The following PTPN1 variants were observed in gnomAD, a reference collection of about 807,000 sequenced individuals.
The protein encoded by PTPN1 is tyrosine-protein phosphatase non-receptor type 1.
In PTPN1, 12 loss-of-function variants were observed where a neutral mutation model predicts 59.9. The ratio of observed to expected loss-of-function variants is 0.20; its 90% CI spans 0.13 to 0.32. The LOEUF is 0.32. Among genes scored for constraint, PTPN1 ranks in the 10% least tolerant of loss-of-function variants. The pLI, the probability that PTPN1 is intolerant of heterozygous loss-of-function variation, is 1.00. For synonymous variants in PTPN1, 178 were observed against 203.6 expected (o/e 0.87, Z 1.07); for missense variants, 356 against 549.2 (o/e 0.65, Z 3.52).
chr20:50,564,960 G>A lies in PTPN1; in HGVS notation c.155-9G>A. The A allele has an allele frequency of 6.2e-7, 1 of 1,613,312 alleles. No individual in the cohort carries two copies. Reference sequence around the variant, plus strand: ...GGGATTAACCTCTGAGTTCTGGTTTGTCTTTCAGTTGACCATAGTCGGATT... The same window carrying A: ...GGGATTAACCTCTGAGTTCTGGTTTATCTTTCAGTTGACCATAGTCGGATT... On this transcript the variant is annotated splice_polypyrimidine_tract_variant and intron_variant, in intron 2 of 9. Coordinates refer to ENST00000371621, the MANE Select transcript of PTPN1 (RefSeq NM_002827.4).
chr20:50,526,654 G>C (rs1180281790), intron 1 of PTPN1, among the ~76,000 whole-genome samples: 1 of 152,124 alleles, frequency 6.6e-6, no homozygotes, highest in East Asian at 1.9e-4. Context: ...TGTGCTGCCA[G>C]ATTCCCTCGC....
chr20:50,545,429 T>C (rs1371729632), intron 1 of PTPN1, among the ~76,000 whole-genome samples: 1 of 152,252 alleles, frequency 6.6e-6, no homozygotes, highest in Non-Finnish European at 1.5e-5. Flanking sequence ...CTCACTGAAC[T>C]GATGATTTTA....
chr20:50,565,186 C>A, intron 3 of PTPN1, 117 bp downstream of exon 3: 5 of 1,021,694 alleles, frequency 4.9e-6, no homozygotes, highest in African/African-American at 1.7e-5. Flanking sequence ...TTCAGCATAC[C>A]AAAAAGCAGC....
intron 1 of PTPN1, among the ~76,000 whole-genome samples, chr20:50,541,793 A>G (rs1211914634): frequency 2.0e-5 from 3 of 152,068 alleles, no homozygotes; most frequent in Non-Finnish European, 4.4e-5. Context: ...CAGCTTGGAC[A>G]TAGCTGTATG....
chr20:50,562,944 T>C (rs538408150), intron 2 of PTPN1: 5 of 152,140 alleles, frequency 3.3e-5, no homozygotes, highest in African/African-American at 4.8e-5. Context: ...ACATTTCTTA[T>C]CTAAATGGTT....
chr20:50,534,126 A>G (rs938137190), intron 1 of PTPN1, among the ~76,000 whole-genome samples: 2 of 152,146 alleles, frequency 1.3e-5, no homozygotes, highest in African/African-American at 4.8e-5. Flanking sequence ...GGGTTTCACC[A>G]TGTTGGTCAG....
At chr20:50,522,740 G>A (rs1212758615) in intron 1 of PTPN1, among the ~76,000 whole-genome samples, 1 of 152,034 alleles carries the variant, frequency 6.6e-6, no homozygotes, top group African/African-American at 2.4e-5. Flanking sequence ...TCTCCAGAGG[G>A]AAAGGTATTT....
chr20:50,579,742 C>T lies in PTPN1; in HGVS notation c.904C>T (p.Pro302Ser). 1.2e-6 allele frequency: 2 copies of T among 1,613,042 alleles called. No individual in the cohort carries two copies. Among genetic ancestry groups the T allele is most frequent in the Non-Finnish European group, 1.7e-6 (2 of 1,179,918 alleles). The change falls in exon 8 of 10, where the codon CCA (proline) becomes TCA (serine). Residue 302 changes from proline (P) to serine (S), a missense_variant. Physicochemically the swap from Pro to Ser is moderately conservative, Grantham distance 74. This residue lies in a region of PTPN1 where 100 missense variants were observed against 107.7 expected (regional missense o/e 0.93). Transcript: ENST00000371621. ...GCTTTCCCACGAGGACCTGGAGCCCCCACCCGAGCATATCCCCCCACCTCC... is the reference window on the plus strand; with the variant it reads ...GCTTTCCCACGAGGACCTGGAGCCCTCACCCGAGCATATCCCCCCACCTCC... ...KELSHEDLEPPPEHIPPPPRP... is the reference protein window; with the variant it reads ...KELSHEDLEPSPEHIPPPPRP...
intron 1 of PTPN1, among the ~76,000 whole-genome samples, chr20:50,531,697 C>T (rs148386107): frequency 1.3e-5 from 2 of 152,212 alleles, no homozygotes; most frequent in Non-Finnish European, 2.9e-5. Context: ...TAGAAGCTGT[C>T]GTGGACAATG....
intron 1 of PTPN1, among the ~76,000 whole-genome samples, chr20:50,529,960 C>T (rs879469315): frequency 2.0e-5 from 3 of 152,068 alleles, no homozygotes; most frequent in Admixed American, 1.3e-4. Context: ...GTGCAACCTC[C>T]GCCTCCCAGG....
intron 4 of PTPN1, chr20:50,574,210 A>G (rs2082824566): frequency 3.3e-6 from 1 of 305,274 alleles, no homozygotes; most frequent in African/African-American, 2.2e-5. Flanking sequence ...CTTTTGTTCA[A>G]TCTGGCTTCA....
Position 50,581,438 on chromosome 20 carries a change from C to G in PTPN1, c.1262C>G (p.Ala421Gly). Reference sequence around the variant, plus strand: ...ATGTGCGTGGCTACGGTCCTCACGGCCGGCGCTTACCTCTGCTACAGGGTA... The same window carrying G: ...ATGTGCGTGGCTACGGTCCTCACGGGCGGCGCTTACCTCTGCTACAGGGTA... Reference protein sequence around the residue: ...VNMCVATVLTAGAYLCYRFLF... With the variant: ...VNMCVATVLTGGAYLCYRFLF... The change falls in exon 9 of 10, where the codon GCC (alanine) becomes GGC (glycine). Residue 421 changes from alanine (A) to glycine (G), a missense_variant. Physicochemically the swap from Ala to Gly is moderately conservative, Grantham distance 60 (BLOSUM62 0). Coordinates refer to ENST00000371621, the MANE Select transcript of PTPN1 (RefSeq NM_002827.4). 6.2e-7 allele frequency: 1 copy of G among 1,611,298 alleles called. No individual in the cohort carries two copies. Among genetic ancestry groups the G allele is most frequent in the Non-Finnish European group, 8.5e-7 (1 of 1,177,620 alleles).
At chr20:50,526,170 T>A (rs1027592919) in intron 1 of PTPN1, among the ~76,000 whole-genome samples, 1 of 152,182 alleles carries the variant, frequency 6.6e-6, no homozygotes, top group Non-Finnish European at 1.5e-5. Context: ...TTAAGCTTTC[T>A]AGTCAATAAA....
At position 50,510,477 on chromosome 20, in the gene PTPN1, C is replaced by T. The variant is rs1478942391; in HGVS notation, c.-51C>T. On this transcript the variant is annotated 5_prime_UTR_variant, in exon 1 of 10. Transcript: ENST00000371621. ...AAGAGCGCGACGCGGCCTAGAGCGG[C>T]AGACGGCGCAGTGGGCCGAGAAGGA... The T allele has an allele frequency of 6.5e-7, 1 of 1,542,002 alleles. No individual in the cohort carries two copies. Among genetic ancestry groups the T allele is most frequent in the East Asian group, 2.5e-5 (1 of 40,054 alleles).
chr20:50,553,888 G>GA (rs2082714295), intron 1 of PTPN1, among the ~76,000 whole-genome samples: 1 of 151,972 alleles, frequency 6.6e-6, no homozygotes. Flanking sequence ...CACTGCAGAA[G>GA]AAAAAAACAG....
intron 1 of PTPN1, among the ~76,000 whole-genome samples, chr20:50,540,515 G>C (rs4811079): frequency 0.59 from 89,243 of 151,978 alleles, 26,380 homozygotes; most frequent in Middle Eastern, 0.78. Context: ...GAAGGATCTG[G>C]CCCCGTGACC....
At chr20:50,546,496 G>C (rs1194759617) in intron 1 of PTPN1, among the ~76,000 whole-genome samples, 1 of 152,186 alleles carries the variant, frequency 6.6e-6, no homozygotes, top group African/African-American at 2.4e-5. Flanking sequence ...TTACCCCTCA[G>C]ATGGTATGTA....
intron 1 of PTPN1, 65 bp downstream of exon 1, chr20:50,510,655 T>TCCAGGCCCCAGACTC: frequency 6.7e-7 from 1 of 1,498,790 alleles, no homozygotes; most frequent in Non-Finnish European, 9.0e-7. Flanking sequence ...CCCTCAGACC[T>TCCAGGCCCCAGACTC]CCAGGCCCCA....
chr20:50,532,075 T>G (rs1299588245), intron 1 of PTPN1, among the ~76,000 whole-genome samples: 2 of 152,206 alleles, frequency 1.3e-5, no homozygotes, highest in Non-Finnish European at 2.9e-5. Context: ...ACCTCTGTAT[T>G]TAAGGGGAGA....
Sources: allele counts gnomAD v4.1 joint callset (sites outside exome capture counted in the v4.1 genomes callset), GRCh38; gene constraint gnomAD v4.1.1; regional missense constraint gnomAD v4.1.1; transcripts MANE v1.5; gene names NCBI Gene and HGNC (gene_info 2026-07-23, HGNC 2026-07-21).